The following IL3RA variants were observed in gnomAD, a reference collection of about 807,000 sequenced individuals.
IL3RA encodes the protein interleukin 3 receptor subunit alpha.
A neutral mutation model predicts 52.3 loss-of-function variants in IL3RA; 73 were observed. The ratio of observed to expected loss-of-function variants is 1.40; its 90% CI spans 1.16 to 1.70. The LOEUF (loss-of-function observed/expected upper bound fraction) is 1.70. Ranked by LOEUF, IL3RA falls within the 40% of genes most tolerant of loss-of-function variation. The pLI, the probability that IL3RA is intolerant of heterozygous loss-of-function variation, is 0.00. For missense variants in IL3RA, 664 were observed against 504.4 expected, an observed-to-expected ratio of 1.32 and a Z score of -3.03; for synonymous variants, 260 against 194.0, an observed-to-expected ratio of 1.34 and a Z score of -2.83.
intron 9 of IL3RA, among the ~76,000 whole-genome samples, chrX:1,376,946 G>A (rs757996971): frequency 5.7e-4 from 73 of 128,908 alleles, no homozygotes; most frequent in African/African-American, 2.2e-3. Flanking sequence ...CTGGATCTCA[G>A]ACCTCCAGCC....
Position 1,378,703 on chromosome X carries a change from TCGCTGCTGATCGCGCTGGGGA to T in IL3RA, c.928_948del (p.Ile310_Leu316del), listed in dbSNP as rs1380928518. The T allele has an allele frequency of 3.1e-6, 5 of 1,612,572 alleles. No individual in the cohort carries two copies. The African/African-American group carries it at 6.7e-5, about 22-fold the overall frequency. On this transcript the variant is annotated inframe_deletion, in exon 10 of 12. Transcript: ENST00000331035. ...CGCAAACACACGTGCCTGGCGGACG[TCGCTGCTGATCGCGCTGGGGA>T]CGCTGCTGGCCCTGGTCTGTGTCTT... is the stretch of plus-strand genomic sequence containing the variant.
At chrX:1,353,419 G>C (rs1423003965) in intron 6 of IL3RA, among the ~76,000 whole-genome samples, 3 of 146,186 alleles carry the variant, frequency 2.1e-5, no homozygotes, top group Admixed American at 2.0e-4. Flanking sequence ...TTCCATCATG[G>C]GTCATGGGAA....
At chrX:1,362,341 ATC>A (rs1470442114) in intron 8 of IL3RA, among the ~76,000 whole-genome samples, 2 of 98,940 alleles carry the variant, frequency 2.0e-5, no homozygotes, top group Non-Finnish European at 4.3e-5. Context: ...GTCTGTTTCT[ATC>A]TCTGTCTCTC....
At chrX:1,348,325 C>T (rs1403063497) in intron 3 of IL3RA, 106 bp from the exon 4 acceptor site, 18 of 860,826 alleles carry the variant, frequency 2.1e-5, no homozygotes, top group Admixed American at 1.6e-4. Flanking sequence ...TGCACTCCAG[C>T]GTGGGCGACG....
Position 1,352,345 on chromosome X carries a change from T to G in IL3RA, c.455T>G (p.Leu152Arg). 3 of 1,613,852 alleles carry G rather than the reference T, an allele frequency of 1.9e-6. No individual in the cohort carries two copies. The highest frequency in any genetic ancestry group is 2.5e-6 in the Non-Finnish European group (3 of 1,179,852). Residue 152 changes from leucine to arginine, a missense_variant, in exon 6 of 12, where the codon CTT (leucine) becomes CGT (arginine). Coordinates refer to ENST00000331035, the MANE Select transcript of IL3RA (RefSeq NM_002183.4). ...VANRRQQYEC[L>R]HYKTDAQGTR... The stretch of plus-strand genomic sequence containing the variant: ...AGCAGGCGTCAACAGTACGAGTGTC[T>G]TCACTACAAAACGGATGCTCAGGGA...
Position 1,367,720 on chromosome X carries a change from G to A in IL3RA, c.874+2468G>A, listed in dbSNP as rs2088244007. 4.0e-5 allele frequency among the ~76,000 whole-genome samples: 5 copies of A among 124,094 alleles called. No homozygotes were observed. In the South Asian group the frequency reaches 1.4e-3, roughly 34 times the overall value. 81.4% of individuals were successfully genotyped at this position (124,094 alleles called of 152,430 possible). ...GTGAGCCGGGTGCGCGGGGTGAGCG[G>A]GGTGCGCCGGGTGAGCGGGGTGCGC... On this transcript the variant is annotated intron_variant, in intron 9 of 11. Transcript: ENST00000331035.
At chrX:1,348,347 C>G (rs1351028522) in intron 3 of IL3RA, 84 bp from the exon 4 acceptor site, 3 of 1,089,720 alleles carry the variant, frequency 2.8e-6, no homozygotes, top group African/African-American at 1.6e-5. Context: ...GAGCGAAACT[C>G]TGCCTCAAAA....
intron 9 of IL3RA, among the ~76,000 whole-genome samples, chrX:1,377,472 A>G (rs1337118935): frequency 6.6e-6 from 1 of 151,612 alleles, no homozygotes; most frequent in East Asian, 2.0e-4. Context: ...CATACTCCCG[A>G]CCTCAGGTGA....
rs1188564330 is a variant in IL3RA, at chrX:1,370,741, G to C, written c.874+5489G>C. Among the ~76,000 whole-genome samples the C allele has an allele frequency of 3.8e-5, 2 of 53,180 alleles. 1 individual carries two copies. Among genetic ancestry groups the C allele is most frequent in the Non-Finnish European group, 6.6e-5 (2 of 30,254 alleles). 34.9% of individuals were successfully genotyped at this position (53,180 alleles called of 152,430 possible). A position where few individuals can be genotyped will look rare whatever the true frequency, so the allele number is the denominator to read the frequency against. ...TATTCTGTGACAGCAGCCTGAGATG[G>C]ACTAAGCCATCTCATAAGAAGAGAC... is the stretch of plus-strand genomic sequence containing the variant. On this transcript the variant is annotated intron_variant, in intron 9 of 11. Coordinates refer to ENST00000331035, the MANE Select transcript of IL3RA (RefSeq NM_002183.4).
Position 1,365,225 on chromosome X carries a change from A to G in IL3RA, c.847A>G (p.Ser283Gly), listed in dbSNP as rs1169630305. The change falls in exon 9 of 12, where the codon AGC (serine) becomes GGC (glycine). Residue 283 changes from serine (S) to glycine (G), a missense_variant. Physicochemically the swap from Ser to Gly is moderately conservative, Grantham distance 56. Coordinates refer to ENST00000331035, the MANE Select transcript of IL3RA (RefSeq NM_002183.4). ...CCGGGAAAGAGTGTATGAATTCTTG[A>G]GCGCCTGGAGCACCCCCCAGCGCTT... Reference protein sequence around the residue: ...RARERVYEFLSAWSTPQRFEC... With the variant: ...RARERVYEFLGAWSTPQRFEC... 1 of 1,605,526 alleles carries G rather than the reference A, an allele frequency of 6.2e-7. No homozygotes were observed. Among genetic ancestry groups the G allele is most frequent in the Admixed American group, 1.7e-5 (1 of 59,738 alleles).
At chrX:1,367,116 G>C (rs1479858210) in intron 9 of IL3RA, among the ~76,000 whole-genome samples, 3 of 21,384 alleles carry the variant, frequency 1.4e-4, no homozygotes, top group Non-Finnish European at 2.1e-4. Context: ...CGGGGTGAGC[G>C]GGGTGCGCGG....
intron 3 of IL3RA, among the ~76,000 whole-genome samples, chrX:1,348,083 A>C (rs2085846382): frequency 1.4e-5 from 2 of 146,314 alleles, no homozygotes; most frequent in Admixed American, 1.4e-4. Context: ...ACGGTGGCTC[A>C]CGCCTGTAAT....
intron 8 of IL3RA, among the ~76,000 whole-genome samples, chrX:1,363,153 A>G (rs779104478): frequency 2.0e-4 from 31 of 152,044 alleles, no homozygotes; most frequent in East Asian, 1.7e-3. Flanking sequence ...ATCTCAATCT[A>G]TATCTTAACG....
chrX:1,338,853 G>A (rs1463669765), intron 1 of IL3RA, among the ~76,000 whole-genome samples: 9 of 152,056 alleles, frequency 5.9e-5, no homozygotes, highest in African/African-American at 1.9e-4. Flanking sequence ...AGGCTGGAGT[G>A]CAGTGGCGCG....
At chrX:1,347,299 C>G (rs1411210501) in intron 3 of IL3RA, among the ~76,000 whole-genome samples, 43 of 150,438 alleles carry the variant, frequency 2.9e-4, no homozygotes, top group Middle Eastern at 3.5e-3. Context: ...TAAAAATTAG[C>G]CGGGCGTGGT....
At chrX:1,349,227 G>A in intron 4 of IL3RA, among the ~76,000 whole-genome samples, 2 of 151,036 alleles carry the variant, frequency 1.3e-5, no homozygotes, top group Middle Eastern at 3.4e-3. Context: ...TGTCCACCAG[G>A]CTGGAGTGCA....
intron 7 of IL3RA, among the ~76,000 whole-genome samples, chrX:1,357,164 G>A (rs370082745): frequency 5.3e-5 from 8 of 152,230 alleles, no homozygotes; most frequent in East Asian, 1.9e-4. Context: ...ATGTTGGCCA[G>A]GCTGGTCTCA....
At chrX:1,358,503 C>T (rs1370948398) in intron 7 of IL3RA, among the ~76,000 whole-genome samples, 1 of 151,694 alleles carries the variant, frequency 6.6e-6, no homozygotes, top group Non-Finnish European at 1.5e-5. Flanking sequence ...ACTAAAAATA[C>T]AAAAAATTAG....
chrX:1,348,670 CTT>C (rs1215917145), intron 4 of IL3RA, 125 bp downstream of exon 4: 190 of 460,284 alleles, frequency 4.1e-4, no homozygotes, highest in African/African-American at 3.4e-3. Flanking sequence ...TTCTTTCTTT[CTT>C]TCTTTCTTTC....
Sources: gnomAD v4.1 joint callset for allele counts (sites outside exome capture counted in the v4.1 genomes callset) on GRCh38, gnomAD v4.1.1 for gene constraint, MANE v1.5 for transcripts, NCBI Gene and HGNC (gene_info 2026-07-23, HGNC 2026-07-21) for gene names.